Variants in SUGCT observed in about 807,000 individuals in gnomAD.
The protein encoded by SUGCT is succinyl-CoA:glutarate-CoA transferase.
A neutral mutation model predicts 55.0 loss-of-function variants in SUGCT; 41 were observed. The observed-to-expected ratio is 0.74, with a 90% CI of 0.58 to 0.97. SUGCT has a LOEUF of 0.97. Among genes scored for constraint, SUGCT ranks in the 50% least tolerant of loss-of-function variants. The pLI is 0.00. For missense variants in SUGCT, 568 were observed against 547.8 expected (o/e 1.04, Z -0.37); for synonymous variants, 187 against 200.4 (o/e 0.93, Z 0.56).
chr7:40,817,909 C>T (rs1352259493), intron 13 of SUGCT, among the ~76,000 whole-genome samples: 1 of 152,160 alleles, frequency 6.6e-6, no homozygotes, highest in African/African-American at 2.4e-5. Flanking sequence ...AAATATTACA[C>T]ATGTAATATA....
At chr7:40,938,178 A>ATT in the SUGCT span, among the ~76,000 whole-genome samples, 1,103 of 151,922 alleles carry the variant, frequency 7.3e-3, 15 homozygotes, top group African/African-American at 0.024. Context: ...ATATTTTTGG[A>ATT]TTTTTTTCTT....
the SUGCT span, among the ~76,000 whole-genome samples, chr7:41,017,771 A>AG: frequency 2.8e-5 from 1 of 36,332 alleles, no homozygotes; most frequent in African/African-American, 1.8e-4. Flanking sequence ...AGTCCGTCTC[A>AG]AAAAAAAAAA....
In SUGCT at chr7:40,467,261, C is replaced by A. The variant is rs528844705; in HGVS notation, c.986+8063C>A. Among the ~76,000 whole-genome samples the A allele has an allele frequency of 2.0e-5, 3 of 147,244 alleles. No individual in the cohort carries two copies. The South Asian group carries it at 6.5e-4, about 32-fold the overall frequency. ...CAGCCAGCACAGTTTGAGCATGCAG[C>A]AGTACTCAGCCTATTTGAGGAAAAT... On this transcript the variant is annotated intron_variant, in intron 11 of 13. Coordinates refer to ENST00000335693, the MANE Select transcript of SUGCT (RefSeq NM_001193313.2).
chr7:40,414,878 A>C (rs1562759801), intron 9 of SUGCT, among the ~76,000 whole-genome samples: 1 of 151,968 alleles, frequency 6.6e-6, no homozygotes, highest in Non-Finnish European at 1.5e-5. Context: ...TCCCGTCTCT[A>C]CTACAAATAC....
At chr7:40,382,862 G>A (rs377698233) in intron 9 of SUGCT, among the ~76,000 whole-genome samples, 1 of 152,164 alleles carries the variant, frequency 6.6e-6, no homozygotes, top group East Asian at 1.9e-4. Flanking sequence ...AGTATTTAGT[G>A]TGGAAACGTG....
chr7:40,201,605 A>G (rs1786606803), intron 6 of SUGCT, among the ~76,000 whole-genome samples: 1 of 152,208 alleles, frequency 6.6e-6, no homozygotes, highest in South Asian at 2.1e-4. Flanking sequence ...TATTAAGCTC[A>G]TTATTTAAAG....
intron 13 of SUGCT, among the ~76,000 whole-genome samples, chr7:40,773,713 TA>T (rs1262462820): frequency 3.3e-5 from 5 of 152,216 alleles, no homozygotes; most frequent in Non-Finnish European, 7.3e-5. Flanking sequence ...GACCTCTAGA[TA>T]AGTAAAGTGT....
intron 8 of SUGCT, among the ~76,000 whole-genome samples, chr7:40,286,717 T>C (rs1793368442): frequency 6.6e-6 from 1 of 152,224 alleles, no homozygotes. Flanking sequence ...TGGCCATTTC[T>C]TCATACTCAC....
At chr7:40,833,785 AAC>A (rs1030370263) in intron 13 of SUGCT, among the ~76,000 whole-genome samples, 11 of 146,192 alleles carry the variant, frequency 7.5e-5, no homozygotes, top group Middle Eastern at 7.1e-3. Flanking sequence ...CAGCATTTAG[AAC>A]AGAGAGTTCT....
intron 12 of SUGCT, among the ~76,000 whole-genome samples, chr7:40,683,879 T>C (rs1381208850): frequency 6.6e-6 from 1 of 152,240 alleles, no homozygotes; most frequent in Non-Finnish European, 1.5e-5. Flanking sequence ...AACAGTTTTG[T>C]AGGTCAGAAG....
At chr7:40,372,640 A>T (rs1481652979) in intron 9 of SUGCT, among the ~76,000 whole-genome samples, 1 of 152,090 alleles carries the variant, frequency 6.6e-6, no homozygotes, top group East Asian at 1.9e-4. Context: ...TATTAATAGG[A>T]TTAATCTTTT....
intron 6 of SUGCT, among the ~76,000 whole-genome samples, chr7:40,227,013 A>G (rs1562592538): frequency 6.8e-6 from 1 of 147,790 alleles, no homozygotes; most frequent in Non-Finnish European, 1.5e-5. Flanking sequence ...ATTTAAAGTC[A>G]CCTAAAGTAG....
chr7:40,850,756 C>G (rs1435268493), intron 13 of SUGCT, among the ~76,000 whole-genome samples: 1 of 152,110 alleles, frequency 6.6e-6, no homozygotes, highest in Non-Finnish European at 1.5e-5. Context: ...AAACCTTGTC[C>G]CTGACAATTA....
intron 9 of SUGCT, among the ~76,000 whole-genome samples, chr7:40,357,913 A>AC (rs1425399673): frequency 6.6e-6 from 1 of 152,058 alleles, no homozygotes; most frequent in Non-Finnish European, 1.5e-5. Flanking sequence ...TTGTTTGCTG[A>AC]CCCCTACTGT....
intron 13 of SUGCT, among the ~76,000 whole-genome samples, chr7:40,834,442 G>A (rs1325979867): frequency 6.6e-6 from 1 of 152,114 alleles, no homozygotes; most frequent in Non-Finnish European, 1.5e-5. Context: ...GACACACAAC[G>A]TTTCAATTAG....
At chr7:40,833,153 C>T (rs1324590811) in intron 13 of SUGCT, among the ~76,000 whole-genome samples, 1 of 151,866 alleles carries the variant, frequency 6.6e-6, no homozygotes, top group Non-Finnish European at 1.5e-5. Flanking sequence ...TTAAACATTG[C>T]AATAATAGTC....
chr7:41,017,984 G>A, the SUGCT span, among the ~76,000 whole-genome samples: 1 of 151,050 alleles, frequency 6.6e-6, no homozygotes, highest in Non-Finnish European at 1.5e-5. Flanking sequence ...CTTCTGCTTG[G>A]GAAAACTTAA....
chr7:41,008,742 G>T, the SUGCT span, among the ~76,000 whole-genome samples: 1 of 151,910 alleles, frequency 6.6e-6, no homozygotes, highest in Non-Finnish European at 1.5e-5. Context: ...CTGCTGGAGG[G>T]CAAATGCGCC....
intron 8 of SUGCT, among the ~76,000 whole-genome samples, chr7:40,280,758 A>G (rs1425329625): frequency 6.6e-6 from 1 of 152,112 alleles, no homozygotes; most frequent in Non-Finnish European, 1.5e-5. Flanking sequence ...TTTTTAAACA[A>G]TTTTATTGAG....
Sources: gnomAD v4.1 joint callset for allele counts (sites outside exome capture counted in the v4.1 genomes callset) on GRCh38, gnomAD v4.1.1 for gene constraint, MANE v1.5 for transcripts, NCBI Gene and HGNC (gene_info 2026-07-23, HGNC 2026-07-21) for gene names.